Variants in DEDD observed in about 807,000 individuals in gnomAD.
The protein encoded by DEDD is death effector domain-containing protein.
Under a neutral mutation model 29.2 loss-of-function variants are expected in DEDD, and 3 were observed. The ratio of observed to expected loss-of-function variants is 0.10; its 90% CI spans 0.05 to 0.27. DEDD has a LOEUF of 0.27. DEDD is among the 10% of genes least tolerant of loss of function. The pLI is 1.00. For missense variants in DEDD, 261 were observed against 420.5 expected (o/e 0.62, Z 3.32); for synonymous variants, 152 against 161.3 (o/e 0.94, Z 0.44).
chr1:161,127,846 G>A (rs1228153937), intron 2 of DEDD, among the ~76,000 whole-genome samples: 1 of 152,190 alleles, frequency 6.6e-6, no homozygotes, highest in African/African-American at 2.4e-5. Context: ...TGTTGATTGT[G>A]AGGCTCTCAG....
At position 161,122,571 on chromosome 1, in the gene DEDD, G is replaced by A. The variant is rs1248144545; in HGVS notation, c.581-48C>T. ...AGCAGAAGAGGTTACAGTAAGGGAT[G>A]AGTTTACAAGCCAAGCTTGAAAACT... is the stretch of plus-strand genomic sequence containing the variant. On this transcript the variant is annotated intron_variant, in intron 5 of 5. Transcript: ENST00000368006. This position sits in a 1 kb window ranked among gnomAD's most constrained non-coding sequence, Gnocchi z 4.2. 3 of 1,575,282 alleles carry A rather than the reference G, an allele frequency of 1.9e-6. No homozygotes were observed. Among genetic ancestry groups the A allele is most frequent in the Non-Finnish European group, 2.6e-6 (3 of 1,159,742 alleles).
chr1:161,130,576 A>G (rs1236770566), intron 2 of DEDD, among the ~76,000 whole-genome samples: 1 of 152,226 alleles, frequency 6.6e-6, no homozygotes, highest in Non-Finnish European at 1.5e-5. Flanking sequence ...AGACTAGACA[A>G]TAACAAACCA....
chr1:161,130,424 C>A (rs1265159177), intron 2 of DEDD, among the ~76,000 whole-genome samples: 2 of 152,160 alleles, frequency 1.3e-5, no homozygotes, highest in East Asian at 1.9e-4. Flanking sequence ...CCCCCAACAG[C>A]TGAAAGAGAA....
chr1:161,122,370 A>G lies in DEDD; in HGVS notation c.734T>C (p.Ile245Thr). The change falls in exon 6 of 6, where the codon ATC (isoleucine) becomes ACC (threonine). Residue 245 changes from isoleucine to threonine, a missense_variant. Ile to Thr is a moderately conservative substitution (Grantham distance 89). Transcript: ENST00000368006. The surrounding 1 kb of genome is among the most constrained non-coding windows in gnomAD (Gnocchi z 4.2). Reference sequence around the variant, plus strand: ...GAGCTCAGAGAACTTGATGTCACAGATGATGGAGCCCAGGTCCCGGGACTT... The same window carrying G: ...GAGCTCAGAGAACTTGATGTCACAGGTGATGGAGCCCAGGTCCCGGGACTT... ...ILKSRDLGSI[I>T]CDIKFSELTY... 1.2e-6 allele frequency: 2 copies of G among 1,614,204 alleles called. No homozygotes were observed. Among genetic ancestry groups the G allele is most frequent in the Non-Finnish European group, 1.7e-6 (2 of 1,180,046 alleles).
Position 161,123,121 on chromosome 1 carries a change from T to G in DEDD, c.534A>C (p.Lys178Asn). ...RGRATLGSQRKRRKSVTPDPK... is the reference protein window; with the variant it reads ...RGRATLGSQRNRRKSVTPDPK... Reference sequence around the variant, plus strand: ...GATCTGGTGTCACTGACTTCCGGCGTTTTCGCTGGCTCCCAAGTGTGGCTC... The same window carrying G: ...GATCTGGTGTCACTGACTTCCGGCGGTTTCGCTGGCTCCCAAGTGTGGCTC... Residue 178 changes from lysine to asparagine, a missense_variant, in exon 5 of 6, where the codon AAA becomes AAC. Lys to Asn is a moderately conservative substitution (Grantham distance 94). This residue lies in a region of DEDD where 203 missense variants were observed against 268.7 expected (regional missense o/e 0.76). Transcript: ENST00000368006. 6.2e-7 allele frequency: 1 copy of G among 1,614,156 alleles called. No homozygotes were observed. Among genetic ancestry groups the G allele is most frequent in the East Asian group, 2.2e-5 (1 of 44,876 alleles).
chr1:161,127,691 C>G (rs1656309207), intron 2 of DEDD, among the ~76,000 whole-genome samples: 1 of 152,216 alleles, frequency 6.6e-6, no homozygotes. Flanking sequence ...CCTCTCGATT[C>G]ACCTGTTGCT....
chr1:161,124,312 C>T lies in DEDD; in HGVS notation c.151G>A (p.Asp51Asn), dbSNP rs774726648. ...DVRVLSFLFV[D>N]VIDDHERGLI... ...CCACGCTCGTGGTCATCAATGACATCAACAAAGAGGAAAGAAAGCACGCGC... is the reference window on the plus strand; with the variant it reads ...CCACGCTCGTGGTCATCAATGACATTAACAAAGAGGAAAGAAAGCACGCGC... Residue 51 changes from aspartate to asparagine, a missense_variant, in exon 3 of 6, where the codon GAT (aspartate) becomes AAT (asparagine). Asp to Asn is a conservative substitution (Grantham distance 23). This residue lies in a region of DEDD where 203 missense variants were observed against 268.7 expected (regional missense o/e 0.76). Transcript: ENST00000368006. 1 of 1,614,232 alleles carries T rather than the reference C, an allele frequency of 6.2e-7. No individual in the cohort carries two copies.
chr1:161,130,969 G>T (rs1255397303), intron 1 of DEDD, 122 bp from the exon 2 acceptor site: 2 of 152,106 alleles, frequency 1.3e-5, no homozygotes, highest in African/African-American at 4.8e-5. Flanking sequence ...CGTTGCAAAA[G>T]TACACAGACA....
intron 2 of DEDD, among the ~76,000 whole-genome samples, chr1:161,129,304 ATG>A (rs1448225833): frequency 6.6e-6 from 1 of 152,174 alleles, no homozygotes; most frequent in Non-Finnish European, 1.5e-5. Flanking sequence ...CATTAAAAGA[ATG>A]TGATGAGGCC....
Position 161,122,031 on chromosome 1 carries a change from A to AC in DEDD, c.*115_*116insG. 8 of 1,373,876 alleles carry AC rather than the reference A, an allele frequency of 5.8e-6. No homozygotes were observed. Among genetic ancestry groups the AC allele is most frequent in the Non-Finnish European group, 7.8e-6 (8 of 1,027,492 alleles). The allele number at this position is 1,373,876 out of a possible 1,614,324, so 85.1% of individuals were successfully genotyped here. A position where few individuals can be genotyped will look rare whatever the true frequency, so the allele number is the denominator to read the frequency against. On this transcript the variant is annotated 3_prime_UTR_variant, in exon 6 of 6. Transcript: ENST00000368006. This position sits in a 1 kb window ranked among gnomAD's most constrained non-coding sequence, Gnocchi z 4.2. ...TTCTTTTGTCTTTTTCTTTAAAAAA[A>AC]AAAAAAAAAAGGCAGGGGTGTGATT...
In DEDD at chr1:161,121,000, C is replaced by A. The variant is rs1655429841; in HGVS notation, c.*1147G>T. On this transcript the variant is annotated 3_prime_UTR_variant, in exon 6 of 6. Transcript: ENST00000368006. The stretch of plus-strand genomic sequence containing the variant: ...AATTTTATATAGTCATTGTTTATTT[C>A]ATGGAAACTGAAGTTCTGCTGAGGG... 2 of 1,391,010 alleles carry A rather than the reference C, an allele frequency of 1.4e-6. No homozygotes were observed. The highest frequency in any genetic ancestry group is 1.9e-6 in the Non-Finnish European group (2 of 1,073,934). 86.2% of individuals were successfully genotyped at this position (1,391,010 alleles called of 1,614,324 possible).
At chr1:161,125,442 A>G (rs1047220390) in intron 2 of DEDD, 1 of 152,178 alleles carries the variant, frequency 6.6e-6, no homozygotes, top group Middle Eastern at 3.2e-3. Context: ...AGTTTCTACA[A>G]TAAGCATTCT....
chr1:161,121,236 G>GTT lies in DEDD; in HGVS notation c.*910_*911insAA. 2 of 962,736 alleles carry GTT rather than the reference G, an allele frequency of 2.1e-6. No homozygotes were observed. Among genetic ancestry groups the GTT allele is most frequent in the Non-Finnish European group, 2.5e-6 (2 of 805,932 alleles). 59.6% of individuals were successfully genotyped at this position (962,736 alleles called of 1,614,324 possible). On this transcript the variant is annotated 3_prime_UTR_variant, in exon 6 of 6. Transcript: ENST00000368006. Reference sequence around the variant, plus strand: ...CATTCTCCCAAGCATGGGAGTGGGCGTAGGAGTGGAGGAGGGGGAAGGAAA... The same window carrying GTT: ...CATTCTCCCAAGCATGGGAGTGGGCGTTTAGGAGTGGAGGAGGGGGAAGGAAA...
At chr1:161,131,610 T>G (rs2101768457) in intron 1 of DEDD, among the ~76,000 whole-genome samples, 1 of 152,086 alleles carries the variant, frequency 6.6e-6, no homozygotes, top group East Asian at 1.9e-4. Context: ...TCCTCCACAC[T>G]TGGGCGACAC....
At position 161,123,884 on chromosome 1, in the gene DEDD, C is replaced by T; in HGVS notation, c.388G>A (p.Ala130Thr). The T allele has an allele frequency of 6.2e-7, 1 of 1,614,040 alleles. No homozygotes were observed. Among genetic ancestry groups the T allele is most frequent in the Non-Finnish European group, 8.5e-7 (1 of 1,180,008 alleles). The change falls in exon 4 of 6, where the codon GCC (alanine) becomes ACC (threonine). Residue 130 changes from alanine to threonine, a missense_variant. By Grantham distance (58) the Ala-to-Thr change is moderately conservative. This residue lies in a region of DEDD where 203 missense variants were observed against 268.7 expected (regional missense o/e 0.76). Transcript: ENST00000368006. ...GGCCTTGGTTCTGGATCACTGAGGGCTCTGGGGGTCACATAGCGAATTGAT... is the reference window on the plus strand; with the variant it reads ...GGCCTTGGTTCTGGATCACTGAGGGTTCTGGGGGTCACATAGCGAATTGAT... ...ETSIRYVTPRALSDPEPRPPQ... is the reference protein window; with the variant it reads ...ETSIRYVTPRTLSDPEPRPPQ...
In DEDD at chr1:161,122,573, G is replaced by A; in HGVS notation, c.581-50C>T. Reference sequence around the variant, plus strand: ...CAGAAGAGGTTACAGTAAGGGATGAGTTTACAAGCCAAGCTTGAAAACTGA... The same window carrying A: ...CAGAAGAGGTTACAGTAAGGGATGAATTTACAAGCCAAGCTTGAAAACTGA... On this transcript the variant is annotated intron_variant, in intron 5 of 5. Coordinates refer to ENST00000368006, the MANE Select transcript of DEDD (RefSeq NM_032998.3). This position sits in a 1 kb window ranked among gnomAD's most constrained non-coding sequence, Gnocchi z 4.2. The A allele has an allele frequency of 1.3e-6, 2 of 1,569,744 alleles. No individual in the cohort carries two copies. The highest frequency in any genetic ancestry group is 1.7e-6 in the Non-Finnish European group (2 of 1,157,720).
intron 2 of DEDD, among the ~76,000 whole-genome samples, chr1:161,130,380 C>G (rs1177804822): frequency 6.6e-6 from 1 of 152,102 alleles, no homozygotes; most frequent in Non-Finnish European, 1.5e-5. Flanking sequence ...GTCAGAATTA[C>G]ATAGTATGTT....
chr1:161,130,051 A>C (rs1656537991), intron 2 of DEDD, among the ~76,000 whole-genome samples: 1 of 152,200 alleles, frequency 6.6e-6, no homozygotes, highest in African/African-American at 2.4e-5. Flanking sequence ...TCTCATCCCA[A>C]CCAGGAATAT....
intron 1 of DEDD, among the ~76,000 whole-genome samples, chr1:161,131,867 A>G (rs559830743): frequency 1.3e-5 from 2 of 151,208 alleles, no homozygotes; most frequent in East Asian, 1.9e-4. Context: ...AACCTCTATC[A>G]CCCGTGCAGC....
Sources: gnomAD v4.1 joint callset for allele counts (sites outside exome capture counted in the v4.1 genomes callset) on GRCh38, gnomAD v4.1.1 for gene constraint, gnomAD v4.1.1 regional missense constraint, Gnocchi (gnomAD v3.1) non-coding constraint, MANE v1.5 for transcripts, NCBI Gene and HGNC (gene_info 2026-07-23, HGNC 2026-07-21) for gene names.